CGN: variants seen among roughly 807,000 people sequenced by gnomAD.
CGN encodes cingulin.
In CGN, 121 loss-of-function variants were observed where a neutral mutation model predicts 157.1. That is an observed-to-expected ratio of 0.77 (90% CI 0.66 to 0.90). CGN has a LOEUF of 0.90. CGN is among the 40% of genes least tolerant of loss of function. CGN has a pLI of 0.00. For missense variants in CGN, 1,424 were observed against 1,520.9 expected (o/e 0.94, Z 1.06); for synonymous variants, 535 against 607.5 (o/e 0.88, Z 1.76).
chr1:151,538,238 C>A lies in CGN; in HGVS notation c.*892C>A, dbSNP rs1665015893. On this transcript the variant is annotated 3_prime_UTR_variant, in exon 21 of 21. Coordinates refer to ENST00000271636, the MANE Select transcript of CGN (RefSeq NM_020770.3). ...GTTATAAGGTGGTTGCACCTGGGAGCCCTGACAACTGGCTGCACAAATTCC... is the reference window on the plus strand; with the variant it reads ...GTTATAAGGTGGTTGCACCTGGGAGACCTGACAACTGGCTGCACAAATTCC... 6.6e-6 allele frequency: 1 copy of A among 152,248 alleles called. No individual in the cohort carries two copies. The highest frequency in any genetic ancestry group is 6.5e-5 in the Admixed American group (1 of 15,278). 9.4% of individuals were successfully genotyped at this position (152,248 alleles called of 1,614,324 possible). A position where few individuals can be genotyped will look rare whatever the true frequency, so the allele number is the denominator to read the frequency against.
intron 13 of CGN, among the ~76,000 whole-genome samples, chr1:151,531,124 GAGCAAGACTCT>G (rs547870578): frequency 1.3e-5 from 2 of 151,386 alleles, no homozygotes; most frequent in Non-Finnish European, 2.9e-5. Context: ...CTGGGTGACA[GAGCAAGACTCT>G]GTCTTAAGAA....
At chr1:151,531,649 ATCT>A (rs1254001787) in intron 13 of CGN, among the ~76,000 whole-genome samples, 1 of 152,184 alleles carries the variant, frequency 6.6e-6, no homozygotes. Flanking sequence ...AAAAAAAAAA[ATCT>A]TCATTGGTAG....
rs1664771385 is a variant in CGN, at chr1:151,529,284, C to T, written c.1897-66C>T. ...CCTTGGCAGTGTATGAGAGTTTCAG[C>T]TTCTCCACATTCAGGTATCTTAGTC... is the stretch of plus-strand genomic sequence containing the variant. On this transcript the variant is annotated intron_variant, in intron 10 of 20. Transcript: ENST00000271636. 2.5e-5 allele frequency: 35 copies of T among 1,378,908 alleles called. No homozygotes were observed. The South Asian group carries it at 4.2e-4, about 16-fold the overall frequency. 85.4% of individuals were successfully genotyped at this position (1,378,908 alleles called of 1,614,324 possible).
intron 16 of CGN, 70 bp downstream of exon 16, chr1:151,535,201 T>G: frequency 9.4e-7 from 1 of 1,058,220 alleles, no homozygotes; most frequent in Non-Finnish European, 1.4e-6. Flanking sequence ...CAAAAACAAC[T>G]CTACCCTCCC....
At chr1:151,530,821 T>A in intron 13 of CGN, 75 bp downstream of exon 13, 1 of 1,487,070 alleles carries the variant, frequency 6.7e-7, no homozygotes. Context: ...GGACAGGGGC[T>A]TGGGGGAGAG....
In CGN at chr1:151,518,533, C is replaced by T; in HGVS notation, c.14C>T (p.Pro5Leu). 1 of 1,604,520 alleles carries T rather than the reference C, an allele frequency of 6.2e-7. No homozygotes were observed. Among genetic ancestry groups the T allele is most frequent in the Non-Finnish European group, 8.5e-7 (1 of 1,172,700 alleles). Residue 5 changes from proline (P) to leucine (L), a missense_variant, in exon 2 of 21, where the codon CCC becomes CTC. Transcript: ENST00000271636. ...CTCCTCCTATTTATGGAGCAGGCACCCAACATGGCTGAGCCCCGGGGCCCC... is the reference window on the plus strand; with the variant it reads ...CTCCTCCTATTTATGGAGCAGGCACTCAACATGGCTGAGCCCCGGGGCCCC... MEQA[P>L]NMAEPRGPVD...
upstream of CGN, chr1:151,510,902 A>C (rs950247662): frequency 6.6e-6 from 1 of 152,256 alleles, no homozygotes; most frequent in Admixed American, 6.5e-5. Context: ...GGGTCAGGGA[A>C]AAGGGAGACG....
rs113678701 is a variant in CGN at position 151,518,151 on chromosome 1, A to G, written c.-14-355A>G. Reference sequence around the variant, plus strand: ...TGTGAGCCACTGCTCCTGGCCATCAAGCAAAATCTTTAAACTTTTAACAAA... The same window carrying G: ...TGTGAGCCACTGCTCCTGGCCATCAGGCAAAATCTTTAAACTTTTAACAAA... On this transcript the variant is annotated intron_variant, in intron 1 of 20. Transcript: ENST00000271636. 3.0e-3 allele frequency among the ~76,000 whole-genome samples: 453 copies of G among 152,330 alleles called. 1 individual carries two copies. Among genetic ancestry groups the G allele is most frequent in the African/African-American group, 0.01 (423 of 41,574 alleles).
chr1:151,519,164 G>A lies in CGN; in HGVS notation c.645G>A (p.Leu215=). The A allele has an allele frequency of 2.5e-6, 4 of 1,614,016 alleles. No homozygotes were observed. The highest frequency in any genetic ancestry group is 3.4e-6 in the Non-Finnish European group (4 of 1,180,040). Residue 215 remains leucine (L), a synonymous_variant, in exon 2 of 21, where the codon CTG becomes CTA. Coordinates refer to ENST00000271636, the MANE Select transcript of CGN (RefSeq NM_020770.3). ...PPEQRKRSKS[L]DSRLPRDTFE... ...AACAGCGCAAACGGAGCAAGAGCCT[G>A]GACAGCCGCCTCCCACGGGACACCT...
Position 151,535,611 on chromosome 1 carries a change from G to C in CGN, c.3006G>C (p.Leu1002=), listed in dbSNP as rs1664950934. 1.2e-6 allele frequency: 2 copies of C among 1,613,888 alleles called. No individual in the cohort carries two copies. Among genetic ancestry groups the C allele is most frequent in the Non-Finnish European group, 1.7e-6 (2 of 1,179,952 alleles). Residue 1002 remains leucine (L), a synonymous_variant, in exon 17 of 21, where the codon CTG becomes CTC. Coordinates refer to ENST00000271636, the MANE Select transcript of CGN (RefSeq NM_020770.3). ...CCCATCCCCACTAGGTGGATCAGCT[G>C]AGGACAGAGCTCATGCAGGAAAGGT... ...VNRGRDQVDQ[L]RTELMQERSA...
intron 10 of CGN, among the ~76,000 whole-genome samples, chr1:151,528,563 C>T (rs529008998): frequency 6.6e-6 from 1 of 151,912 alleles, no homozygotes; most frequent in East Asian, 1.9e-4. Flanking sequence ...ATTACAGGCA[C>T]ACACCACCAC....
At chr1:151,522,787 G>A (rs976570337) in intron 5 of CGN, among the ~76,000 whole-genome samples, 25 of 151,868 alleles carry the variant, frequency 1.6e-4, no homozygotes, top group African/African-American at 6.1e-4. Context: ...GGTGATGCAT[G>A]CCTGTAATCC....
At chr1:151,535,203 T>G in intron 16 of CGN, 72 bp downstream of exon 16, 5 of 1,081,230 alleles carry the variant, frequency 4.6e-6, no homozygotes, top group Non-Finnish European at 6.9e-6. Context: ...AAAACAACTC[T>G]ACCCTCCCAT....
At position 151,527,053 on chromosome 1, in the gene CGN, A is replaced by G. The variant is rs767243072; in HGVS notation, c.1842A>G (p.Leu614=). The change falls in exon 10 of 21, where the codon TTA becomes TTG. Residue 614 remains leucine (L), a synonymous_variant. Transcript: ENST00000271636. ...GEKIEVLQRE[L]EQARASAGDT... ...AGATAGAGGTCTTGCAGAGGGAATT[A>G]GAGCAGGCCCGAGCTAGTGCTGGAG... The G allele has an allele frequency of 2.2e-5, 35 of 1,614,108 alleles. No individual in the cohort carries two copies. In the East Asian group the frequency reaches 2.5e-4, roughly 11 times the overall value.
intron 9 of CGN, among the ~76,000 whole-genome samples, chr1:151,526,671 A>G (rs979699249): frequency 6.6e-6 from 1 of 151,896 alleles, no homozygotes; most frequent in Non-Finnish European, 1.5e-5. Context: ...ACGGGGTTTC[A>G]TTATGTTGCC....
chr1:151,535,449 C>A, intron 16 of CGN, 151 bp from the exon 17 acceptor site: 1 of 671,534 alleles, frequency 1.5e-6, no homozygotes. Flanking sequence ...TGGCCCCTCC[C>A]ATTTGAATAG....
rs1248649588 is a variant in CGN, at chr1:151,518,535, A to C, written c.16A>C (p.Asn6His). 6.2e-7 allele frequency: 1 copy of C among 1,608,526 alleles called. No homozygotes were observed. Reference sequence around the variant, plus strand: ...CCTCCTATTTATGGAGCAGGCACCCAACATGGCTGAGCCCCGGGGCCCCGT... The same window carrying C: ...CCTCCTATTTATGGAGCAGGCACCCCACATGGCTGAGCCCCGGGGCCCCGT... MEQAP[N>H]MAEPRGPVDH... The change falls in exon 2 of 21, where the codon AAC becomes CAC. Residue 6 changes from asparagine (N) to histidine (H), a missense_variant. This residue lies in a region of CGN where 1,187 missense variants were observed against 1,217.6 expected (regional missense o/e 0.97). Transcript: ENST00000271636.
In CGN at chr1:151,524,529, G is replaced by A; in HGVS notation, c.1402-145G>A. On this transcript the variant is annotated intron_variant, in intron 7 of 20. Transcript: ENST00000271636. The surrounding 1 kb of genome is among the most constrained non-coding windows in gnomAD (Gnocchi z 4.4). ...TGTTGGGACTAGAGTTAGGATAAAGGAAACCTATCATTCTGGGCTCCAGTA... is the reference window on the plus strand; with the variant it reads ...TGTTGGGACTAGAGTTAGGATAAAGAAAACCTATCATTCTGGGCTCCAGTA... 1.7e-6 allele frequency: 2 copies of A among 1,200,030 alleles called. No homozygotes were observed. Among genetic ancestry groups the A allele is most frequent in the Non-Finnish European group, 2.4e-6 (2 of 850,462 alleles). The allele number at this position is 1,200,030 out of a possible 1,614,324, so 74.3% of individuals were successfully genotyped here.
rs781452630 is a variant in CGN at position 151,524,854 on chromosome 1, C to T, written c.1582C>T (p.Gln528Ter). The T allele has an allele frequency of 1.2e-6, 2 of 1,611,882 alleles. No homozygotes were observed. Among genetic ancestry groups the T allele is most frequent in the Non-Finnish European group, 1.7e-6 (2 of 1,179,896 alleles). ...GCAGCAGTACCAGCGAGACACAGAGCAGCTCCGCAGGAGCATGCAAGATGC... is the reference window on the plus strand; with the variant it reads ...GCAGCAGTACCAGCGAGACACAGAGTAGCTCCGCAGGAGCATGCAAGATGC... ...VRQQYQRDTE[Q>*]LRRSMQDATQ... The change falls in exon 8 of 21, where the codon CAG (glutamine) becomes TAG (stop). Residue 528 changes from glutamine (Q) to a stop codon, truncating the protein, a stop_gained. Coordinates refer to ENST00000271636, the MANE Select transcript of CGN (RefSeq NM_020770.3). LOFTEE classifies it high-confidence loss of function. The surrounding 1 kb of genome is among the most constrained non-coding windows in gnomAD (Gnocchi z 4.4).
Sources: allele counts gnomAD v4.1 joint callset (sites outside exome capture counted in the v4.1 genomes callset), GRCh38; gene constraint gnomAD v4.1.1; regional missense constraint gnomAD v4.1.1; non-coding constraint Gnocchi (gnomAD v3.1); transcripts MANE v1.5; gene names NCBI Gene and HGNC (gene_info 2026-07-23, HGNC 2026-07-21).